The following LRRC4C variants were observed in gnomAD, a reference collection of about 807,000 sequenced individuals.
The protein encoded by LRRC4C is leucine-rich repeat-containing protein 4C.
A neutral mutation model predicts 33.6 loss-of-function variants in LRRC4C; 5 were observed. The observed-to-expected ratio is 0.15, with a 90% CI of 0.08 to 0.31. LRRC4C has a LOEUF of 0.31. Ranked by LOEUF, LRRC4C falls within the 10% of genes least tolerant of loss-of-function variation. LRRC4C has a pLI of 1.00. For missense variants in LRRC4C, 560 were observed against 796.7 expected, an observed-to-expected ratio of 0.70 and a Z score of 3.58; for synonymous variants, 329 against 302.0, an observed-to-expected ratio of 1.09 and a Z score of -0.93.
chr11:40,498,350 C>A (rs1301142292), intron 3 of LRRC4C, among the ~76,000 whole-genome samples: 2 of 152,184 alleles, frequency 1.3e-5, no homozygotes, highest in Non-Finnish European at 2.9e-5. Context: ...TTCATGTGCA[C>A]CATTACTCCT....
intron 2 of LRRC4C, among the ~76,000 whole-genome samples, chr11:40,707,246 T>C (rs532488595): frequency 2.1e-3 from 313 of 152,320 alleles, no homozygotes; most frequent in African/African-American, 7.2e-3. Flanking sequence ...TCCAACCCTA[T>C]GTTGAATAGG....
rs1188389556 is a variant in LRRC4C at position 40,796,635 on chromosome 11, C to CTTT, written c.-407+136997_-407+136999dup. ...AAACAAAAGAGGGCTAAGCAGAACTCTTTTTTTTTTTTTTTTTTTTTTTTA... is the reference window on the plus strand; with the variant it reads ...AAACAAAAGAGGGCTAAGCAGAACTCTTTTTTTTTTTTTTTTTTTTTTTTTTTA... On this transcript the variant is annotated intron_variant, in intron 2 of 6. Coordinates refer to ENST00000528697, the MANE Select transcript of LRRC4C (RefSeq NM_001258419.2). Among the ~76,000 whole-genome samples, 200 of 104,922 alleles carry CTTT rather than the reference C, an allele frequency of 1.9e-3. 1 individual carries two copies. The highest frequency in any genetic ancestry group is 0.012 in the Middle Eastern group (2 of 168). 68.8% of individuals were successfully genotyped at this position (104,922 alleles called of 152,430 possible). A position where few individuals can be genotyped will look rare whatever the true frequency, so the allele number is the denominator to read the frequency against.
At chr11:41,304,691 C>A (rs1202082157) in intron 1 of LRRC4C, among the ~76,000 whole-genome samples, 991 of 64,976 alleles carry the variant, frequency 0.015, no homozygotes, top group Middle Eastern at 0.037. Context: ...GCCCCCCGCC[C>A]GGCCAGCCAC....
chr11:41,284,015 G>T (rs1949747490), intron 1 of LRRC4C, among the ~76,000 whole-genome samples: 1 of 152,016 alleles, frequency 6.6e-6, no homozygotes, highest in African/African-American at 2.4e-5. Context: ...TATTTGATTT[G>T]TACTGACATA....
At chr11:40,990,511 C>T (rs1853458365) in intron 1 of LRRC4C, among the ~76,000 whole-genome samples, 1 of 151,910 alleles carries the variant, frequency 6.6e-6, no homozygotes, top group East Asian at 1.9e-4. Context: ...GTGCATTAAT[C>T]ACTGGATCAG....
At chr11:41,358,912 T>C (rs114176583) in intron 1 of LRRC4C, among the ~76,000 whole-genome samples, 1 of 152,182 alleles carries the variant, frequency 6.6e-6, no homozygotes, top group Non-Finnish European at 1.5e-5. Context: ...CACACAAAGA[T>C]CTGCATATGA....
intron 1 of LRRC4C, among the ~76,000 whole-genome samples, chr11:41,105,421 T>A (rs1029224163): frequency 1.3e-5 from 2 of 152,038 alleles, no homozygotes; most frequent in Non-Finnish European, 2.9e-5. Context: ...TTAATATATC[T>A]GTTTATCTTC....
intron 1 of LRRC4C, among the ~76,000 whole-genome samples, chr11:41,128,979 G>T (rs1483231299): frequency 1.3e-5 from 2 of 151,906 alleles, no homozygotes; most frequent in African/African-American, 4.8e-5. Context: ...AATACAATTT[G>T]CTATATATAA....
At chr11:40,388,025 C>A (rs2137419419) in intron 3 of LRRC4C, among the ~76,000 whole-genome samples, 1 of 152,136 alleles carries the variant, frequency 6.6e-6, no homozygotes, top group Non-Finnish European at 1.5e-5. Context: ...TATTTTTTAT[C>A]CCCTAATAAA....
chr11:41,133,646 T>C (rs1443674773), intron 1 of LRRC4C, among the ~76,000 whole-genome samples: 3 of 151,670 alleles, frequency 2.0e-5, no homozygotes, highest in Non-Finnish European at 4.4e-5. Flanking sequence ...AGCATTAATG[T>C]TAAAATAGAG....
intron 3 of LRRC4C, among the ~76,000 whole-genome samples, chr11:40,439,990 A>C (rs973164447): frequency 4.6e-5 from 7 of 152,208 alleles, no homozygotes; most frequent in African/African-American, 1.7e-4. Flanking sequence ...CAATTTGTTT[A>C]TGGATAATTA....
chr11:41,073,161 T>C (rs1938839045), intron 1 of LRRC4C, among the ~76,000 whole-genome samples: 1 of 152,190 alleles, frequency 6.6e-6, no homozygotes, highest in Non-Finnish European at 1.5e-5. Context: ...CTGGGTAATT[T>C]ATGAAGAAAA....
intron 2 of LRRC4C, among the ~76,000 whole-genome samples, chr11:40,789,363 A>G (rs1171329745): frequency 6.6e-6 from 1 of 152,164 alleles, no homozygotes; most frequent in Admixed American, 6.5e-5. Context: ...GAAAATGTAC[A>G]TAGTCGATTG....
At chr11:40,961,231 T>C (rs1850958376) in intron 1 of LRRC4C, among the ~76,000 whole-genome samples, 2 of 151,750 alleles carry the variant, frequency 1.3e-5, no homozygotes, top group South Asian at 4.1e-4. Flanking sequence ...AGAGCTATTG[T>C]GACTAGAATA....
chr11:41,218,825 T>A (rs1253233517), intron 1 of LRRC4C, among the ~76,000 whole-genome samples: 1 of 142,886 alleles, frequency 7.0e-6, no homozygotes, highest in Non-Finnish European at 1.5e-5. Context: ...TGGAGTGCAG[T>A]GTTGCGATCT....
rs755121214 is a variant in LRRC4C, at chr11:40,952,886, ACACACACACACTCTCT to A, written c.-495-19179_-495-19164del. On this transcript the variant is annotated intron_variant, in intron 1 of 6. Coordinates refer to ENST00000528697, the MANE Select transcript of LRRC4C (RefSeq NM_001258419.2). Reference sequence around the variant, plus strand: ...CACACACACACACACACACACACACACACACACACACTCTCTCTCTCTCTCTCTCTCTCTCTCTTTC... The same window carrying A: ...CACACACACACACACACACACACACACTCTCTCTCTCTCTCTCTCTCTTTC... Among the ~76,000 whole-genome samples the A allele has an allele frequency of 3.6e-3, 370 of 103,630 alleles. 2 individuals carry two copies. Among genetic ancestry groups the A allele is most frequent in the East Asian group, 0.019 (63 of 3,284 alleles). The allele number at this position is 103,630 out of a possible 152,430, so 68.0% of individuals were successfully genotyped here.
chr11:41,110,690 G>A (rs1213789213), intron 1 of LRRC4C, among the ~76,000 whole-genome samples: 1 of 151,908 alleles, frequency 6.6e-6, no homozygotes, highest in Non-Finnish European at 1.5e-5. Flanking sequence ...ATTTTCATAG[G>A]GTTGAAGGTC....
chr11:41,419,620 T>A (rs1180382378), intron 1 of LRRC4C, among the ~76,000 whole-genome samples: 1 of 151,924 alleles, frequency 6.6e-6, no homozygotes, highest in Admixed American at 6.6e-5. Flanking sequence ...ATGACAATAA[T>A]AAAAGCTACC....
chr11:40,553,658 G>A (rs1029797572), intron 3 of LRRC4C, among the ~76,000 whole-genome samples: 1 of 152,258 alleles, frequency 6.6e-6, no homozygotes, highest in South Asian at 2.1e-4. Context: ...CTTTAGATTT[G>A]CATTTATCTG....
Sources: gnomAD v4.1 joint callset for allele counts (sites outside exome capture counted in the v4.1 genomes callset) on GRCh38, gnomAD v4.1.1 for gene constraint, MANE v1.5 for transcripts, NCBI Gene and HGNC (gene_info 2026-07-23, HGNC 2026-07-21) for gene names.